Variants in TXLNG observed in about 807,000 individuals in gnomAD.
TXLNG encodes the protein taxilin gamma, also known as gamma-taxilin.
In TXLNG, 5 loss-of-function variants were observed where a neutral mutation model predicts 38.8. That is an observed-to-expected ratio of 0.13 (90% CI 0.07 to 0.27). TXLNG has a LOEUF of 0.27. Ranked by LOEUF, TXLNG falls within the 10% of genes least tolerant of loss-of-function variation. TXLNG has a pLI of 1.00. For missense variants in TXLNG, 393 were observed against 398.2 expected (o/e 0.99, Z 0.11); for synonymous variants, 182 against 158.2 (o/e 1.15, Z -1.13).
intron 4 of TXLNG, 54 bp from the exon 5 acceptor site, chrX:16,829,522 G>A: frequency 9.0e-7 from 1 of 1,107,226 alleles, no homozygotes; most frequent in Non-Finnish European, 1.2e-6. Context: ...CTTCTCTTGT[G>A]AGCATCTTCT....
intron 1 of TXLNG, among the ~76,000 whole-genome samples, chrX:16,809,564 G>A (rs898792649): frequency 3.6e-4 from 40 of 109,600 alleles, no homozygotes; most frequent in African/African-American, 1.2e-3. Flanking sequence ...GGCTGGCCTC[G>A]AACTCCTGAC....
intron 1 of TXLNG, among the ~76,000 whole-genome samples, chrX:16,811,419 C>T (rs1354588872): frequency 9.0e-6 from 1 of 110,574 alleles, no homozygotes; most frequent in African/African-American, 3.3e-5. Context: ...TGTAATGGCG[C>T]GATCTCAGCT....
intron 1 of TXLNG, among the ~76,000 whole-genome samples, chrX:16,790,065 T>G (rs1358028985): frequency 9.0e-6 from 1 of 111,266 alleles, no homozygotes; most frequent in Non-Finnish European, 1.9e-5. Context: ...CCCAAAGTGC[T>G]GAGGTTACAG....
intron 1 of TXLNG, among the ~76,000 whole-genome samples, chrX:16,805,576 C>T (rs1388399777): frequency 1.8e-5 from 2 of 112,240 alleles, no homozygotes; most frequent in African/African-American, 6.5e-5. Flanking sequence ...CCCCTTTGTT[C>T]CCCCATATGG....
At chrX:16,787,289 C>A (rs1046059107) in intron 1 of TXLNG, among the ~76,000 whole-genome samples, 3 of 111,986 alleles carry the variant, frequency 2.7e-5, no homozygotes, top group African/African-American at 6.5e-5. Context: ...GATGGGGAGG[C>A]GATGCTGGAG....
intron 1 of TXLNG, among the ~76,000 whole-genome samples, chrX:16,814,123 T>C (rs766616323): frequency 1.8e-5 from 2 of 110,119 alleles, no homozygotes. Flanking sequence ...TAGCCAAAAA[T>C]TGGAAATAAC....
chrX:16,832,482 A>G, intron 5 of TXLNG, 141 bp from the exon 6 acceptor site: 7 of 810,114 alleles, frequency 8.6e-6, no homozygotes, highest in Non-Finnish European at 1.2e-5. Context: ...ATACAGGGAC[A>G]GAGAGAGAGC....
rs770347333 is a variant in TXLNG at position 16,792,966 on chromosome X, G to A, written c.102+6377G>A. Reference sequence around the variant, plus strand: ...ACAAAAATTAGCTGGGCATGGTGATGCATGCCTGTAATCCCAGCTACTCGG... The same window carrying A: ...ACAAAAATTAGCTGGGCATGGTGATACATGCCTGTAATCCCAGCTACTCGG... On this transcript the variant is annotated intron_variant, in intron 1 of 9. Transcript: ENST00000380122. 5.8e-3 allele frequency among the ~76,000 whole-genome samples: 620 copies of A among 107,769 alleles called. 2 individuals carry two copies. Among genetic ancestry groups the A allele is most frequent in the Non-Finnish European group, 9.1e-3 (474 of 52,155 alleles). 93.6% of individuals were successfully genotyped at this position (107,769 alleles called of 115,157 possible).
intron 3 of TXLNG, among the ~76,000 whole-genome samples, chrX:16,823,366 G>C (rs973001591): frequency 9.5e-6 from 1 of 104,790 alleles, no homozygotes; most frequent in Admixed American, 1.0e-4. Context: ...GCTGAGGCAG[G>C]AGAATCACTT....
At chrX:16,811,703 C>T (rs1293295049) in intron 1 of TXLNG, among the ~76,000 whole-genome samples, 1 of 105,808 alleles carries the variant, frequency 9.5e-6, no homozygotes, top group Non-Finnish European at 1.9e-5. Context: ...GTGACCCGAT[C>T]TCGGCTCAGT....
At chrX:16,826,517 CA>C (rs935181831) in intron 3 of TXLNG, among the ~76,000 whole-genome samples, 1 of 111,842 alleles carries the variant, frequency 8.9e-6, no homozygotes, top group African/African-American at 3.3e-5. Flanking sequence ...AAAACTGCAG[CA>C]GTTCTTCTTA....
At chrX:16,803,247 C>A in intron 1 of TXLNG, 1 of 114,293 alleles carries the variant, frequency 8.7e-6, no homozygotes, top group South Asian at 3.1e-4. Context: ...TCTCCATAAC[C>A]ATTAGAGATC....
chrX:16,822,192 T>C (rs910069746), intron 3 of TXLNG, among the ~76,000 whole-genome samples: 2 of 105,905 alleles, frequency 1.9e-5, no homozygotes, highest in African/African-American at 6.9e-5. Context: ...CAAAAAAAAA[T>C]TAGCCGGGTG....
intron 1 of TXLNG, among the ~76,000 whole-genome samples, chrX:16,814,702 G>T (rs1477071014): frequency 9.0e-6 from 1 of 111,563 alleles, no homozygotes. Context: ...ATCCATAGAG[G>T]CAGCAACTAG....
In TXLNG at chrX:16,839,844, G is replaced by C; in HGVS notation, c.1176G>C (p.Leu392=). The C allele has an allele frequency of 8.4e-7, 1 of 1,197,511 alleles. No individual in the cohort carries two copies. Among genetic ancestry groups the C allele is most frequent in the Non-Finnish European group, 1.1e-6 (1 of 887,811 alleles). ...MEKMTKKIKK[L]EKETIIWRTK... ...AGATGACAAAGAAAATTAAAAAACT[G>C]GAAAAAGAAACAATAATTTGGCGTA... The change falls in exon 9 of 10, where the codon CTG becomes CTC. Residue 392 remains leucine (L), a synonymous_variant. Transcript: ENST00000380122.
Position 16,843,476 on chromosome X carries a change from A to G in TXLNG, c.*1710A>G, listed in dbSNP as rs982602120. 1.3e-4 allele frequency: 14 copies of G among 111,816 alleles called. No individual in the cohort carries two copies. Among genetic ancestry groups the G allele is most frequent in the Non-Finnish European group, 5.6e-5 (3 of 53,131 alleles). The allele number at this position is 111,816 out of a possible 1,213,427, so 9.2% of individuals were successfully genotyped here. A position where few individuals can be genotyped will look rare whatever the true frequency, so the allele number is the denominator to read the frequency against. On this transcript the variant is annotated 3_prime_UTR_variant, in exon 10 of 10. Coordinates refer to ENST00000380122, the MANE Select transcript of TXLNG (RefSeq NM_018360.3). ...TCAGAAGCAAAAAACACCACCCTCC[A>G]ACAGCCTCTTAGGAGTACACCCTGT... is the stretch of plus-strand genomic sequence containing the variant.
chrX:16,799,994 C>T (rs1483980378), intron 1 of TXLNG, among the ~76,000 whole-genome samples: 1 of 108,893 alleles, frequency 9.2e-6, no homozygotes, highest in Non-Finnish European at 1.9e-5. Context: ...GGCTGGAGTG[C>T]AGTGGTATGA....
intron 2 of TXLNG, 132 bp downstream of exon 2, chrX:16,819,009 C>A: frequency 1.6e-6 from 1 of 632,959 alleles, no homozygotes; most frequent in Non-Finnish European, 2.3e-6. Flanking sequence ...TCGGTGAGGT[C>A]AGTCCATGTG....
chrX:16,799,134 T>G (rs11797088), intron 1 of TXLNG, among the ~76,000 whole-genome samples: 1 of 109,277 alleles, frequency 9.2e-6, no homozygotes, highest in Non-Finnish European at 1.9e-5. Context: ...GCACCTCGGC[T>G]TCCCAAAGTG....
Sources: gnomAD v4.1 joint callset for allele counts (sites outside exome capture counted in the v4.1 genomes callset) on GRCh38, gnomAD v4.1.1 for gene constraint, MANE v1.5 for transcripts, NCBI Gene and HGNC (gene_info 2026-07-23, HGNC 2026-07-21) for gene names.